Variants in MELTF observed in about 807,000 individuals in gnomAD.
The protein encoded by MELTF is melanotransferrin, also known as antigen p97 (melanoma associated) identified by monoclonal antibodies 133.2 and 96.5.
In MELTF, 67 loss-of-function variants were observed where a neutral mutation model predicts 83.7. That is an observed-to-expected ratio of 0.80 (90% CI 0.66 to 0.98). The LOEUF (loss-of-function observed/expected upper bound fraction) is 0.98. Among genes scored for constraint, MELTF ranks in the 50% least tolerant of loss-of-function variants. MELTF has a pLI of 0.00. For synonymous variants in MELTF, 462 were observed against 447.6 expected (o/e 1.03, Z -0.41); for missense variants, 1,002 against 1,035.6 (o/e 0.97, Z 0.44).
chr3:197,023,707 A>T (rs1452950412), intron 4 of MELTF: 2 of 401,044 alleles, frequency 5.0e-6, no homozygotes, highest in South Asian at 3.6e-5. Flanking sequence ...GCTTTTCCAG[A>T]GTAAGCCCTC....
In MELTF at chr3:197,003,693, C is replaced by G. The variant is rs929670794; in HGVS notation, c.2137+208G>C. 2 of 683,304 alleles carry G rather than the reference C, an allele frequency of 2.9e-6. No homozygotes were observed. The highest frequency in any genetic ancestry group is 3.6e-5 in the African/African-American group (2 of 55,392). The allele number at this position is 683,304 out of a possible 1,614,324, so 42.3% of individuals were successfully genotyped here. On this transcript the variant is annotated intron_variant, in intron 15 of 15. Transcript: ENST00000296350. The surrounding 1 kb of genome is among the most constrained non-coding windows in gnomAD (Gnocchi z 6.2). ...CCGTTTTGAGCGTTCACACTCATTA[C>G]CCAGGTCCGTCTGGGAGACCCGCCG...
chr3:197,024,260 G>T lies in MELTF; in HGVS notation c.487+43C>A. 6.6e-7 allele frequency: 1 copy of T among 1,513,390 alleles called. No homozygotes were observed. The highest frequency in any genetic ancestry group is 1.3e-5 in the South Asian group (1 of 76,752). The allele number at this position is 1,513,390 out of a possible 1,614,324, so 93.7% of individuals were successfully genotyped here. A position where few individuals can be genotyped will look rare whatever the true frequency, so the allele number is the denominator to read the frequency against. On this transcript the variant is annotated intron_variant, in intron 4 of 15. Coordinates refer to ENST00000296350, the MANE Select transcript of MELTF (RefSeq NM_005929.6). This position sits in a 1 kb window ranked among gnomAD's most constrained non-coding sequence, Gnocchi z 5.3. ...GGACGAGCATGGGCCAAGGAAAGGA[G>T]GGGGAGGCCTGGGGACCCTCCTGCC... is the stretch of plus-strand genomic sequence containing the variant.
In MELTF at chr3:197,029,268, CT is replaced by C. The variant is rs1719988949; in HGVS notation, c.49+385del. 5.4e-6 allele frequency: 1 copy of C among 183,542 alleles called. No individual in the cohort carries two copies. The highest frequency in any genetic ancestry group is 1.1e-5 in the Non-Finnish European group (1 of 88,926). The allele number at this position is 183,542 out of a possible 1,614,324, so 11.4% of individuals were successfully genotyped here. On this transcript the variant is annotated intron_variant, in intron 1 of 15. Coordinates refer to ENST00000296350, the MANE Select transcript of MELTF (RefSeq NM_005929.6). This position sits in a 1 kb window ranked among gnomAD's most constrained non-coding sequence, Gnocchi z 6.5. The stretch of plus-strand genomic sequence containing the variant: ...CTGCCGGTCAGTCCCTCTGAATCTT[CT>C]CCCGCGGGGGCTCGGGAGAAAGAGC...
At position 197,022,867 on chromosome 3, in the gene MELTF, G is replaced by A. The variant is rs941473093; in HGVS notation, c.644+90C>T. ...GCCAACATGCCACTTCCCCCTCCAC[G>A]GCCCTCTCTGGGCAAAGGTGTTTTT... On this transcript the variant is annotated intron_variant, in intron 5 of 15. Coordinates refer to ENST00000296350, the MANE Select transcript of MELTF (RefSeq NM_005929.6). The surrounding 1 kb of genome is among the most constrained non-coding windows in gnomAD (Gnocchi z 5.1). The A allele has an allele frequency of 1.8e-5, 23 of 1,272,660 alleles. No individual in the cohort carries two copies. The Admixed American group carries it at 3.9e-4, about 21-fold the overall frequency. 78.8% of individuals were successfully genotyped at this position (1,272,660 alleles called of 1,614,324 possible). A position where few individuals can be genotyped will look rare whatever the true frequency, so the allele number is the denominator to read the frequency against.
intron 10 of MELTF, 21 bp from the exon 11 acceptor site, chr3:197,009,833 G>A (rs200027630): frequency 3.4e-5 from 54 of 1,599,092 alleles, no homozygotes; most frequent in Non-Finnish European, 4.4e-5. Flanking sequence ...AGGGACTCAC[G>A]TGAGGGGCCC....
Position 197,026,718 on chromosome 3 carries a change from GATGGCTCCTCCAT to G in MELTF, c.233_245del (p.Asp78AlafsTer10). ...GGCCGTGCTCCTTTCCCGCCTCATA[GATGGCTCCTCCAT>G]CCAGAGTGATGGCGTCAGCCTCCTG... On this transcript the variant is annotated frameshift_variant, in exon 3 of 16. Transcript: ENST00000296350. LOFTEE classifies it high-confidence loss of function. 6.2e-7 allele frequency: 1 copy of G among 1,613,416 alleles called. No homozygotes were observed. The highest frequency in any genetic ancestry group is 8.5e-7 in the Non-Finnish European group (1 of 1,180,024).
rs1039268455 is a variant in MELTF at position 197,024,374 on chromosome 3, C to T, written c.416G>A (p.Gly139Asp). The T allele has an allele frequency of 6.2e-7, 1 of 1,609,024 alleles. No homozygotes were observed. The highest frequency in any genetic ancestry group is 8.5e-7 in the Non-Finnish European group (1 of 1,177,294). Reference sequence around the variant, plus strand: ...CAGGTAGCCCACGGGCACGTTCCAGCCCACTGTGCGATTGATGCCCGTGTG... The same window carrying T: ...CAGGTAGCCCACGGGCACGTTCCAGTCCACTGTGCGATTGATGCCCGTGTG... ...SCHTGINRTV[G>D]WNVPVGYLVE... Residue 139 changes from glycine (G) to aspartate (D), a missense_variant, in exon 4 of 16, where the codon GGC becomes GAC. Transcript: ENST00000296350. This position sits in a 1 kb window ranked among gnomAD's most constrained non-coding sequence, Gnocchi z 5.3.
At chr3:197,021,876 T>G (rs1257746350) in intron 5 of MELTF, among the ~76,000 whole-genome samples, 2 of 152,122 alleles carry the variant, frequency 1.3e-5, no homozygotes, top group African/African-American at 4.8e-5. Flanking sequence ...TTTTTAGAGA[T>G]AGGGTCTCAC....
At chr3:197,019,905 G>T in intron 6 of MELTF, 2 of 1,424,166 alleles carry the variant, frequency 1.4e-6, no homozygotes, top group Non-Finnish European at 9.3e-7. Context: ...CAGACAGAAC[G>T]GTGTGTTTGC....
chr3:197,022,059 G>C lies in MELTF; in HGVS notation c.645-588C>G, dbSNP rs1719644905. 6.6e-6 allele frequency among the ~76,000 whole-genome samples: 1 copy of C among 152,206 alleles called. No homozygotes were observed. Among genetic ancestry groups the C allele is most frequent in the Non-Finnish European group, 1.5e-5 (1 of 68,044 alleles). On this transcript the variant is annotated intron_variant, in intron 5 of 15. Transcript: ENST00000296350. This position sits in a 1 kb window ranked among gnomAD's most constrained non-coding sequence, Gnocchi z 5.1. ...TTGAAGAGCATTCTACCCTGAGGCA[G>C]GGGATTGGACTAGAAGGCCTTTTCA...
At chr3:197,020,310 C>T (rs537106219) in intron 6 of MELTF, among the ~76,000 whole-genome samples, 63 of 152,270 alleles carry the variant, frequency 4.1e-4, no homozygotes, top group African/African-American at 1.3e-3. Flanking sequence ...AGAATTGGGA[C>T]GGTGAGTGAA....
chr3:197,023,516 G>A (rs1719713736), intron 4 of MELTF, among the ~76,000 whole-genome samples: 1 of 152,224 alleles, frequency 6.6e-6, no homozygotes, highest in Non-Finnish European at 1.5e-5. Context: ...CACGGCACAG[G>A]GAGGGAGGCA....
intron 3 of MELTF, 52 bp downstream of exon 3, chr3:197,026,608 G>T (rs748098994): frequency 6.5e-7 from 1 of 1,538,590 alleles, no homozygotes; most frequent in East Asian, 2.2e-5. Context: ...GCAGCCTGGA[G>T]AGCTGACTTC....
In MELTF at chr3:197,029,617, C is replaced by T. The variant is rs1328888148; in HGVS notation, c.49+37G>A. On this transcript the variant is annotated intron_variant, in intron 1 of 15. Coordinates refer to ENST00000296350, the MANE Select transcript of MELTF (RefSeq NM_005929.6). This position sits in a 1 kb window ranked among gnomAD's most constrained non-coding sequence, Gnocchi z 6.5. ...TCAGCCGGGCCGCGGCGCCCCGGGACCCCCGCCCGCCTTTGGCTCTCACAG... is the reference window on the plus strand; with the variant it reads ...TCAGCCGGGCCGCGGCGCCCCGGGATCCCCGCCCGCCTTTGGCTCTCACAG... 1.8e-5 allele frequency: 22 copies of T among 1,238,908 alleles called. No homozygotes were observed. In the South Asian group the frequency reaches 6.6e-4, roughly 37 times the overall value. The allele number at this position is 1,238,908 out of a possible 1,614,324, so 76.7% of individuals were successfully genotyped here.
rs1719991898 is a variant in MELTF, at chr3:197,029,314, C to A, written c.49+340G>T. On this transcript the variant is annotated intron_variant, in intron 1 of 15. Coordinates refer to ENST00000296350, the MANE Select transcript of MELTF (RefSeq NM_005929.6). The surrounding 1 kb of genome is among the most constrained non-coding windows in gnomAD (Gnocchi z 6.5). Reference sequence around the variant, plus strand: ...AAGAGCTGCTCCGAGCCCCCAAAGTCTTCCTGAGTTCCTGCGCCCGTCGGG... The same window carrying A: ...AAGAGCTGCTCCGAGCCCCCAAAGTATTCCTGAGTTCCTGCGCCCGTCGGG... 3.6e-6 allele frequency: 1 copy of A among 274,022 alleles called. No individual in the cohort carries two copies. The highest frequency in any genetic ancestry group is 2.2e-5 in the African/African-American group (1 of 45,654). The allele number at this position is 274,022 out of a possible 1,614,324, so 17.0% of individuals were successfully genotyped here.
In MELTF at chr3:197,024,197, G is replaced by A. The variant is rs1220339985; in HGVS notation, c.487+106C>T. The A allele has an allele frequency of 3.9e-6, 5 of 1,268,946 alleles. No homozygotes were observed. The highest frequency in any genetic ancestry group is 2.8e-4 in the Middle Eastern group (1 of 3,546). 78.6% of individuals were successfully genotyped at this position (1,268,946 alleles called of 1,614,324 possible). The stretch of plus-strand genomic sequence containing the variant: ...GGCTGCTGCGCCTTCCAGGAATGAA[G>A]AATGGTGGCGAGGCCGGAGGGAGGC... On this transcript the variant is annotated intron_variant, in intron 4 of 15. Transcript: ENST00000296350. This position sits in a 1 kb window ranked among gnomAD's most constrained non-coding sequence, Gnocchi z 5.3.
In MELTF at chr3:197,003,579, C is replaced by G. The variant is rs2108949539; in HGVS notation, c.2138-128G>C. 1.4e-6 allele frequency: 1 copy of G among 735,936 alleles called. No individual in the cohort carries two copies. The highest frequency in any genetic ancestry group is 3.8e-5 in the East Asian group (1 of 26,456). The allele number at this position is 735,936 out of a possible 1,614,324, so 45.6% of individuals were successfully genotyped here. ...TCGCCGCAGCCTCCCTCTTTGTGCT[C>G]CTTTCCCCTGCTGCCCTTCCAGATG... is the stretch of plus-strand genomic sequence containing the variant. On this transcript the variant is annotated intron_variant, in intron 15 of 15. Transcript: ENST00000296350. The surrounding 1 kb of genome is among the most constrained non-coding windows in gnomAD (Gnocchi z 6.2).
At chr3:197,017,844 T>C (rs1719455999) in intron 6 of MELTF, among the ~76,000 whole-genome samples, 1 of 152,092 alleles carries the variant, frequency 6.6e-6, no homozygotes, top group African/African-American at 2.4e-5. Context: ...GCCACTGCAC[T>C]CCAGCCTGGG....
rs561843875 is a variant in MELTF at position 197,010,680 on chromosome 3, G to T, written c.1330+18C>A. On this transcript the variant is annotated intron_variant, in intron 10 of 15. Coordinates refer to ENST00000296350, the MANE Select transcript of MELTF (RefSeq NM_005929.6). ...CCCCACCTCCCGGCTGAGGCCAGGC[G>T]GCAGGCCCTGCACTCACGGGCATAG... The T allele has an allele frequency of 1.7e-5, 28 of 1,601,776 alleles. No individual in the cohort carries two copies. The African/African-American group carries it at 2.5e-4, about 15-fold the overall frequency.
Sources: gnomAD v4.1 joint callset for allele counts (sites outside exome capture counted in the v4.1 genomes callset) on GRCh38, gnomAD v4.1.1 for gene constraint, Gnocchi (gnomAD v3.1) non-coding constraint, MANE v1.5 for transcripts, NCBI Gene and HGNC (gene_info 2026-07-23, HGNC 2026-07-21) for gene names.